Variants in LRRIQ3 observed in about 807,000 individuals in gnomAD.
LRRIQ3 encodes leucine-rich repeat and IQ domain-containing protein 3.
A neutral mutation model predicts 59.3 loss-of-function variants in LRRIQ3; 75 were observed. The observed-to-expected ratio is 1.26, with a 90% CI of 1.05 to 1.53. The LOEUF (loss-of-function observed/expected upper bound fraction) is 1.53. Among genes scored for constraint, LRRIQ3 ranks in the 40% most tolerant of loss-of-function variants. The pLI is 0.00. For synonymous variants in LRRIQ3, 250 were observed against 231.3 expected (o/e 1.08, Z -0.73); for missense variants, 831 against 710.0 (o/e 1.17, Z -1.94).
At chr1:74,080,552 A>G (rs1185983877) in intron 5 of LRRIQ3, among the ~76,000 whole-genome samples, 1 of 151,746 alleles carries the variant, frequency 6.6e-6, no homozygotes, top group African/African-American at 2.4e-5. Context: ...GCTGTCTTTC[A>G]AATTCAAGGT....
intron 4 of LRRIQ3, among the ~76,000 whole-genome samples, chr1:74,127,217 T>A (rs1230993066): frequency 6.6e-6 from 1 of 151,966 alleles, no homozygotes; most frequent in South Asian, 2.1e-4. Context: ...CCATTCCTTA[T>A]TTTCAGTCCA....
chr1:74,106,091 A>G (rs1334068721), intron 5 of LRRIQ3, among the ~76,000 whole-genome samples: 2 of 151,988 alleles, frequency 1.3e-5, no homozygotes, highest in African/African-American at 4.8e-5. Flanking sequence ...TCTCCAGAAG[A>G]TTAAGACAGA....
At chr1:74,100,666 G>GTA (rs1160566821) in intron 5 of LRRIQ3, among the ~76,000 whole-genome samples, 1 of 152,120 alleles carries the variant, frequency 6.6e-6, no homozygotes, top group Non-Finnish European at 1.5e-5. Flanking sequence ...TATACTACAA[G>GTA]GCTACAGTAA....
At position 74,086,144 on chromosome 1, in the gene LRRIQ3, T is replaced by G. The variant is rs146330037; in HGVS notation, c.868-11354A>C. ...TTGTGAACAGCCTAACATATAATGC[T>G]GGTAGTTAGGTTTTTACCTCATTTT... On this transcript the variant is annotated intron_variant, in intron 5 of 7. Coordinates refer to ENST00000354431, the MANE Select transcript of LRRIQ3 (RefSeq NM_001105659.2). Among the ~76,000 whole-genome samples, 447 of 152,228 alleles carry G rather than the reference T, an allele frequency of 2.9e-3. 1 individual carries two copies. Among genetic ancestry groups the G allele is most frequent in the African/African-American group, 0.01 (421 of 41,570 alleles).
intron 6 of LRRIQ3, among the ~76,000 whole-genome samples, chr1:74,058,295 A>C (rs1192819115): frequency 6.6e-6 from 1 of 152,150 alleles, no homozygotes; most frequent in Non-Finnish European, 1.5e-5. Context: ...CACTATTCAC[A>C]ATAGCCAAGA....
At chr1:74,133,620 C>T (rs1293910487) in intron 4 of LRRIQ3, among the ~76,000 whole-genome samples, 1 of 151,412 alleles carries the variant, frequency 6.6e-6, no homozygotes, top group Non-Finnish European at 1.5e-5. Context: ...GGACGAAAAA[C>T]CAAACACCGC....
At chr1:74,189,821 G>C (rs942601150) in intron 1 of LRRIQ3, among the ~76,000 whole-genome samples, 3 of 152,124 alleles carry the variant, frequency 2.0e-5, no homozygotes, top group Admixed American at 6.6e-5. Context: ...CAGCCACATG[G>C]AACTGTGAGT....
intron 4 of LRRIQ3, among the ~76,000 whole-genome samples, chr1:74,114,697 T>C (rs545336262): frequency 9.4e-4 from 142 of 150,320 alleles, no homozygotes; most frequent in Admixed American, 1.5e-3. Context: ...ACGGAGCCAC[T>C]GAACTCTAGC....
At chr1:74,129,968 C>T (rs184665697) in intron 4 of LRRIQ3, among the ~76,000 whole-genome samples, 1 of 149,432 alleles carries the variant, frequency 6.7e-6, no homozygotes, top group African/African-American at 2.5e-5. Flanking sequence ...GTTGCCCCCC[C>T]ACCAAAAAAA....
intron 4 of LRRIQ3, among the ~76,000 whole-genome samples, chr1:74,137,318 T>C (rs981162415): frequency 6.6e-6 from 1 of 152,026 alleles, no homozygotes; most frequent in Admixed American, 6.6e-5. Context: ...AAGACATTTA[T>C]GCGGCCAAAA....
chr1:74,163,288 C>T (rs1190846590), intron 3 of LRRIQ3, among the ~76,000 whole-genome samples: 1 of 151,416 alleles, frequency 6.6e-6, no homozygotes, highest in Non-Finnish European at 1.5e-5. Context: ...AATAGTCCCA[C>T]AAAATGGTAA....
At chr1:74,027,768 C>T (rs749448292) in intron 7 of LRRIQ3, among the ~76,000 whole-genome samples, 2 of 151,984 alleles carry the variant, frequency 1.3e-5, no homozygotes, top group Admixed American at 6.6e-5. Flanking sequence ...ATGGCACTAA[C>T]CTTAGATGCT....
At chr1:74,175,832 A>G (rs1358426189) in intron 3 of LRRIQ3, among the ~76,000 whole-genome samples, 1 of 152,144 alleles carries the variant, frequency 6.6e-6, no homozygotes, top group Non-Finnish European at 1.5e-5. Context: ...ACCACAGTCA[A>G]CTAATGTCAC....
chr1:74,145,868 A>T (rs1647537253), intron 4 of LRRIQ3, among the ~76,000 whole-genome samples: 1 of 152,156 alleles, frequency 6.6e-6, no homozygotes, highest in South Asian at 2.1e-4. Flanking sequence ...GTTAATAAAG[A>T]CAAGTGTACA....
intron 4 of LRRIQ3, among the ~76,000 whole-genome samples, chr1:74,111,925 T>C (rs1231471883): frequency 1.3e-5 from 2 of 152,102 alleles, no homozygotes; most frequent in African/African-American, 4.8e-5. Context: ...TTCAGAGATA[T>C]TATGTCAGGA....
intron 6 of LRRIQ3, among the ~76,000 whole-genome samples, chr1:74,074,154 T>C (rs1646169543): frequency 6.6e-6 from 1 of 152,138 alleles, no homozygotes; most frequent in African/African-American, 2.4e-5. Context: ...CTAAAAAAAT[T>C]TCTCCTAATT....
intron 3 of LRRIQ3, among the ~76,000 whole-genome samples, chr1:74,156,224 T>C (rs1289301425): frequency 6.6e-6 from 1 of 152,102 alleles, no homozygotes; most frequent in Non-Finnish European, 1.5e-5. Flanking sequence ...TCTCTCACCA[T>C]GTGACTTGCC....
intron 5 of LRRIQ3, among the ~76,000 whole-genome samples, chr1:74,086,021 C>A (rs1009939560): frequency 6.6e-6 from 1 of 152,052 alleles, no homozygotes; most frequent in African/African-American, 2.4e-5. Flanking sequence ...ACTAAATCAA[C>A]AAACAGAGAC....
chr1:74,192,732 A>C (rs1166105916), intron 1 of LRRIQ3, among the ~76,000 whole-genome samples: 1 of 152,156 alleles, frequency 6.6e-6, no homozygotes, highest in Non-Finnish European at 1.5e-5. Flanking sequence ...TGCTATTAAA[A>C]GGAAAGATTA....
Sources: allele counts gnomAD v4.1 joint callset (sites outside exome capture counted in the v4.1 genomes callset), GRCh38; gene constraint gnomAD v4.1.1; transcripts MANE v1.5; gene names NCBI Gene and HGNC (gene_info 2026-07-23, HGNC 2026-07-21).